Variants in SAMMSON observed in about 807,000 individuals in gnomAD.
SAMMSON encodes long intergenic non-protein coding RNA 1212.
At chr3:70,389,668 G>A (rs1701027834) in exon 10 of SAMMSON, 1 of 152,102 alleles carries the variant, frequency 6.6e-6, no homozygotes, top group African/African-American at 2.4e-5. Flanking sequence ...TGAGGTCAAG[G>A]CCTTAAGAAG....
chr3:70,039,313 TG>T (rs958316736), intron 3 of SAMMSON, among the ~76,000 whole-genome samples: 1 of 152,072 alleles, frequency 6.6e-6, no homozygotes, highest in Non-Finnish European at 1.5e-5. Flanking sequence ...GCCAACTTAG[TG>T]GGTGTTTTTG....
chr3:70,282,052 A>G lies in SAMMSON; in HGVS notation n.675-9127A>G, dbSNP rs75743986. On this transcript the variant is annotated intron_variant and non_coding_transcript_variant, in intron 6 of 9. Coordinates refer to ENST00000642114, the Ensembl canonical transcript of SAMMSON. ...GTCTAGGTCCCTTTGCTTGTTGCAT[A>G]TAAAGCCAATCACTGAGACAAGTAC... 2.4e-4 allele frequency among the ~76,000 whole-genome samples: 37 copies of G among 152,258 alleles called. No individual in the cohort carries two copies. In the East Asian group the frequency reaches 5.8e-3, roughly 24 times the overall value.
intron 4 of SAMMSON, among the ~76,000 whole-genome samples, chr3:70,088,065 G>C (rs552251932): frequency 1.3e-5 from 2 of 152,094 alleles, no homozygotes; most frequent in Non-Finnish European, 2.9e-5. Context: ...CCTTCTTTCC[G>C]TTCTTTGGTT....
chr3:70,065,817 C>G (rs1461741431), intron 3 of SAMMSON, among the ~76,000 whole-genome samples: 2 of 152,076 alleles, frequency 1.3e-5, no homozygotes, highest in Non-Finnish European at 2.9e-5. Flanking sequence ...GTGCAGAAAC[C>G]CTGCCCCAGA....
intron 3 of SAMMSON, among the ~76,000 whole-genome samples, chr3:70,063,276 T>C (rs543735803): frequency 1.3e-5 from 2 of 152,284 alleles, no homozygotes; most frequent in South Asian, 4.1e-4. Context: ...TTCATTATTC[T>C]ACACCAAATA....
chr3:70,388,623 A>G (rs1285414496), intron 9 of SAMMSON, among the ~76,000 whole-genome samples: 1 of 152,150 alleles, frequency 6.6e-6, no homozygotes, highest in Non-Finnish European at 1.5e-5. Flanking sequence ...AGCCTTTGCT[A>G]TATGAATGAA....
At chr3:70,206,161 T>C (rs181836445) in intron 4 of SAMMSON, among the ~76,000 whole-genome samples, 5 of 152,192 alleles carry the variant, frequency 3.3e-5, no homozygotes, top group African/African-American at 1.2e-4. Flanking sequence ...TCTTAATTTT[T>C]TATGCTGTCT....
At chr3:70,397,241 T>C (rs568528975) in intron 2 of SAMMSON, among the ~76,000 whole-genome samples, 10 of 152,308 alleles carry the variant, frequency 6.6e-5, no homozygotes, top group African/African-American at 2.4e-4. Context: ...TACTATATAT[T>C]AAGTTTTGAG....
intron 4 of SAMMSON, among the ~76,000 whole-genome samples, chr3:70,146,507 T>C (rs551466822): frequency 6.6e-6 from 1 of 152,016 alleles, no homozygotes; most frequent in South Asian, 2.1e-4. Flanking sequence ...GCTGGTTCAA[T>C]AGTTAAAAGT....
intron 4 of SAMMSON, among the ~76,000 whole-genome samples, chr3:70,190,666 AG>A (rs1368268134): frequency 7.9e-5 from 12 of 152,344 alleles, no homozygotes; most frequent in Middle Eastern, 3.4e-3. Flanking sequence ...TTGCTAATAT[AG>A]TATTATAAAT....
At chr3:70,376,456 T>C (rs187234294) in intron 9 of SAMMSON, among the ~76,000 whole-genome samples, 3 of 152,326 alleles carry the variant, frequency 2.0e-5, no homozygotes, top group African/African-American at 7.2e-5. Flanking sequence ...ATTTTAGAGT[T>C]TGTTTTATAA....
At chr3:70,290,003 G>T (rs1194811232) in intron 6 of SAMMSON, among the ~76,000 whole-genome samples, 1 of 152,112 alleles carries the variant, frequency 6.6e-6, no homozygotes, top group Non-Finnish European at 1.5e-5. Flanking sequence ...CCTTTGGTTT[G>T]AATGTCCTCC....
At chr3:70,095,528 G>A (rs988778425) in intron 4 of SAMMSON, among the ~76,000 whole-genome samples, 7 of 152,048 alleles carry the variant, frequency 4.6e-5, no homozygotes, top group African/African-American at 9.7e-5. Flanking sequence ...AGGACTCGTC[G>A]TGTTATATAT....
rs570166939 is a variant in SAMMSON, at chr3:70,159,996, G to A, written n.507+88431G>A. On this transcript the variant is annotated intron_variant and non_coding_transcript_variant, in intron 4 of 9. Transcript: ENST00000642114. ...ATCTGTATGTCTTATTTTTTGATTA[G>A]ATTGTCTTATTGAGGTGTAAGATTT... Among the ~76,000 whole-genome samples the A allele has an allele frequency of 7.2e-5, 11 of 152,100 alleles. No homozygotes were observed. In the East Asian group the frequency reaches 2.1e-3, roughly 30 times the overall value.
chr3:70,208,947 C>T (rs780364557), intron 4 of SAMMSON, among the ~76,000 whole-genome samples: 3 of 151,980 alleles, frequency 2.0e-5, no homozygotes, highest in African/African-American at 4.8e-5. Context: ...AAACATCTGT[C>T]GTTGAAAGCA....
chr3:70,092,772 T>G (rs2106648435), intron 4 of SAMMSON, among the ~76,000 whole-genome samples: 1 of 152,218 alleles, frequency 6.6e-6, no homozygotes, highest in South Asian at 2.1e-4. Flanking sequence ...TAAATGCAAA[T>G]GTACTTTTGT....
chr3:70,359,152 T>C (rs942742495), intron 9 of SAMMSON, among the ~76,000 whole-genome samples: 1 of 152,160 alleles, frequency 6.6e-6, no homozygotes, highest in Admixed American at 6.6e-5. Context: ...TGATTATTCT[T>C]GCTTGACTGC....
At position 70,277,199 on chromosome 3, in the gene SAMMSON, T is replaced by C. The variant is rs374843254; in HGVS notation, n.675-13980T>C. 8.9e-4 allele frequency among the ~76,000 whole-genome samples: 135 copies of C among 152,292 alleles called. 2 individuals are homozygous for C. In the South Asian group the frequency reaches 0.027, roughly 30 times the overall value. Reference sequence around the variant, plus strand: ...ATTGAGAAGGCTGGAACAATGAACATAGCCCGTATCTCCAGCTGCCTGGAA... The same window carrying C: ...ATTGAGAAGGCTGGAACAATGAACACAGCCCGTATCTCCAGCTGCCTGGAA... On this transcript the variant is annotated intron_variant and non_coding_transcript_variant, in intron 6 of 9. Coordinates refer to ENST00000642114, the Ensembl canonical transcript of SAMMSON.
At chr3:70,222,756 C>G (rs1433461758) in intron 4 of SAMMSON, among the ~76,000 whole-genome samples, 8 of 152,150 alleles carry the variant, frequency 5.3e-5, no homozygotes, top group African/African-American at 1.2e-4. Context: ...TATAAATATA[C>G]AGGTGCCTCC....
Sources: allele counts gnomAD v4.1 joint callset (sites outside exome capture counted in the v4.1 genomes callset), GRCh38; gene constraint gnomAD v4.1.1; transcripts MANE v1.5; gene names NCBI Gene and HGNC (gene_info 2026-07-23, HGNC 2026-07-21).